The following DNAJC24 variants were observed in gnomAD, a reference collection of about 807,000 sequenced individuals.
DNAJC24 encodes dnaJ homolog subfamily C member 24.
Under a neutral mutation model 18.0 loss-of-function variants are expected in DNAJC24, and 17 were observed. The ratio of observed to expected loss-of-function variants is 0.94; its 90% CI spans 0.65 to 1.42. The LOEUF (loss-of-function observed/expected upper bound fraction) is 1.42. Among genes scored for constraint, DNAJC24 ranks in the 40% most tolerant of loss-of-function variants. The pLI is 0.00. For synonymous variants in DNAJC24, 55 were observed against 57.7 expected (o/e 0.95, Z 0.21); for missense variants, 158 against 175.6 (o/e 0.90, Z 0.57).
chr11:31,413,455 T>C (rs750285899), intron 2 of DNAJC24, among the ~76,000 whole-genome samples: 7 of 150,972 alleles, frequency 4.6e-5, no homozygotes, highest in Non-Finnish European at 8.9e-5. Context: ...CTCAGCCTCC[T>C]GAGTAGCTGG....
intron 2 of DNAJC24, among the ~76,000 whole-genome samples, chr11:31,377,330 A>G (rs1241698476): frequency 1.3e-5 from 2 of 152,102 alleles, no homozygotes; most frequent in African/African-American, 4.8e-5. Context: ...TGATTCTGAA[A>G]AAATTCTTAC....
chr11:31,387,653 C>T (rs1383787736), intron 2 of DNAJC24, among the ~76,000 whole-genome samples: 1 of 152,182 alleles, frequency 6.6e-6, no homozygotes, highest in Non-Finnish European at 1.5e-5. Context: ...CAGGCATAAA[C>T]AAGCACAGAC....
At chr11:31,429,384 A>G (rs557059287) in intron 4 of DNAJC24, 2 of 289,138 alleles carry the variant, frequency 6.9e-6, no homozygotes, top group South Asian at 5.9e-5. Flanking sequence ...GAATGAAGAT[A>G]TTTGTATGAA....
intron 4 of DNAJC24, chr11:31,426,978 G>C (rs750458528): frequency 8.6e-5 from 13 of 151,886 alleles, no homozygotes; most frequent in Admixed American, 2.6e-4. Flanking sequence ...ATGGTTCCTT[G>C]AATTGTTCTG....
intron 3 of DNAJC24, among the ~76,000 whole-genome samples, chr11:31,424,392 TA>T: frequency 6.6e-6 from 1 of 152,308 alleles, no homozygotes; most frequent in East Asian, 1.9e-4. Context: ...AAACAGTGTT[TA>T]ATCTCCCAAT....
At position 31,432,598 on chromosome 11, in the gene DNAJC24, T is replaced by C; in HGVS notation, c.*2197T>C. On this transcript the variant is annotated 3_prime_UTR_variant, in exon 5 of 5. Transcript: ENST00000465995. ...AAAATCAAAATGAGGTTGAAGACAA[T>C]TAGTGAAAGTAATGTTATAGTATCA... The C allele has an allele frequency of 7.0e-7, 1 of 1,438,104 alleles. No individual in the cohort carries two copies. The highest frequency in any genetic ancestry group is 9.8e-7 in the Non-Finnish European group (1 of 1,019,464). 89.1% of individuals were successfully genotyped at this position (1,438,104 alleles called of 1,614,324 possible).
rs778013457 is a variant in DNAJC24, at chr11:31,414,960, G to A, written c.250+11G>A. ...ACCTGCAGCGGTGTGGTAGGTGCTTGTGTTGAGGAGCCACAGCACATCGGC... is the reference window on the plus strand; with the variant it reads ...ACCTGCAGCGGTGTGGTAGGTGCTTATGTTGAGGAGCCACAGCACATCGGC... On this transcript the variant is annotated intron_variant, in intron 3 of 4. Coordinates refer to ENST00000465995, the MANE Select transcript of DNAJC24 (RefSeq NM_181706.5). 7 of 1,611,332 alleles carry A rather than the reference G, an allele frequency of 4.3e-6. No individual in the cohort carries two copies. The South Asian group carries it at 6.6e-5, about 15-fold the overall frequency.
chr11:31,370,860 G>A lies in DNAJC24; in HGVS notation c.111+1G>A, dbSNP rs1952229473. Reference sequence around the variant, plus strand: ...AAAATATCAAAAACTCATATTAATGGTAAGTCTTTTCTTTCAGATTTTAAA... The same window carrying A: ...AAAATATCAAAAACTCATATTAATGATAAGTCTTTTCTTTCAGATTTTAAA... On this transcript the variant is annotated splice_donor_variant, in intron 2 of 4. Coordinates refer to ENST00000465995, the MANE Select transcript of DNAJC24 (RefSeq NM_181706.5). LOFTEE classifies it high-confidence loss of function. The A allele has an allele frequency of 1.9e-6, 3 of 1,560,408 alleles. No individual in the cohort carries two copies. Among genetic ancestry groups the A allele is most frequent in the East Asian group, 2.3e-5 (1 of 44,324 alleles).
At chr11:31,425,646 A>G (rs762879070) in intron 3 of DNAJC24, among the ~76,000 whole-genome samples, 11 of 152,070 alleles carry the variant, frequency 7.2e-5, no homozygotes, top group Non-Finnish European at 1.0e-4. Flanking sequence ...CACCAGTCCT[A>G]TTGGATTAGA....
At chr11:31,427,486 G>A (rs913963045) in intron 4 of DNAJC24, 27 of 151,984 alleles carry the variant, frequency 1.8e-4, no homozygotes, top group Middle Eastern at 3.2e-3. Context: ...TTCACTGCTG[G>A]TGTGTGGAAG....
intron 2 of DNAJC24, among the ~76,000 whole-genome samples, chr11:31,395,461 G>A (rs1043499992): frequency 5.3e-5 from 8 of 152,026 alleles, no homozygotes; most frequent in Admixed American, 2.0e-4. Context: ...GTTGTTTGAG[G>A]AACCACCAAA....
intron 2 of DNAJC24, among the ~76,000 whole-genome samples, chr11:31,387,476 C>G (rs1952440963): frequency 6.6e-6 from 1 of 152,102 alleles, no homozygotes; most frequent in African/African-American, 2.4e-5. Context: ...GGGAATTCTC[C>G]CAGATCTTAC....
chr11:31,390,974 T>C (rs1427135426), intron 2 of DNAJC24, among the ~76,000 whole-genome samples: 1 of 152,168 alleles, frequency 6.6e-6, no homozygotes, highest in Non-Finnish European at 1.5e-5. Context: ...AACAGAATAC[T>C]AGCAAACCAG....
chr11:31,371,116 G>C (rs557349375), intron 2 of DNAJC24, among the ~76,000 whole-genome samples: 5 of 152,278 alleles, frequency 3.3e-5, no homozygotes, highest in Non-Finnish European at 7.4e-5. Flanking sequence ...ATTTGGACAA[G>C]TTACTTTTTC....
At chr11:31,421,978 A>G (rs1325149078) in intron 3 of DNAJC24, 1 of 446,174 alleles carries the variant, frequency 2.2e-6, no homozygotes, top group Admixed American at 2.4e-5. Flanking sequence ...GCAGGCTCAT[A>G]AACCTCTCTG....
chr11:31,390,906 C>T (rs1217765197), intron 2 of DNAJC24, among the ~76,000 whole-genome samples: 1 of 151,982 alleles, frequency 6.6e-6, no homozygotes, highest in Non-Finnish European at 1.5e-5. Context: ...GACAAAGACA[C>T]ATCAAAAAAG....
At chr11:31,372,216 G>A (rs1254205096) in intron 2 of DNAJC24, among the ~76,000 whole-genome samples, 1 of 151,630 alleles carries the variant, frequency 6.6e-6, no homozygotes, top group African/African-American at 2.4e-5. Context: ...TGCTTCTTAA[G>A]CCAATGTCTG....
At chr11:31,413,087 TCTA>T (rs1046547904) in intron 2 of DNAJC24, among the ~76,000 whole-genome samples, 3 of 152,142 alleles carry the variant, frequency 2.0e-5, no homozygotes, top group Admixed American at 1.3e-4. Context: ...CCTGATAATG[TCTA>T]TAAGGCAGTC....
chr11:31,411,175 A>T (rs1017851588), intron 2 of DNAJC24, among the ~76,000 whole-genome samples: 4 of 152,192 alleles, frequency 2.6e-5, no homozygotes, highest in African/African-American at 9.7e-5. Flanking sequence ...AACAAAATTA[A>T]CATAGACTTT....
Sources: gnomAD v4.1 joint callset for allele counts (sites outside exome capture counted in the v4.1 genomes callset) on GRCh38, gnomAD v4.1.1 for gene constraint, MANE v1.5 for transcripts, NCBI Gene and HGNC (gene_info 2026-07-23, HGNC 2026-07-21) for gene names.